TERT: variants seen among roughly 807,000 people sequenced by gnomAD.
TERT encodes telomerase catalytic subunit.
In TERT, 42 loss-of-function variants were observed where a neutral mutation model predicts 104.0. That is an observed-to-expected ratio of 0.40 (90% CI 0.32 to 0.52). The LOEUF is 0.52. Ranked by LOEUF, TERT falls within the 20% of genes least tolerant of loss-of-function variation. The pLI, the probability that TERT is intolerant of heterozygous loss-of-function variation, is 0.43. For synonymous variants in TERT, 781 were observed against 725.6 expected, an observed-to-expected ratio of 1.08 and a Z score of -1.23; for missense variants, 1,101 against 1,610.3, an observed-to-expected ratio of 0.68 and a Z score of 5.41.
rs1561212622 is a variant in TERT, at chr5:1,292,120, T to C, written c.1573+1193A>G. 6.6e-6 allele frequency among the ~76,000 whole-genome samples: 1 copy of C among 151,370 alleles called. No individual in the cohort carries two copies. The highest frequency in any genetic ancestry group is 1.9e-4 in the East Asian group (1 of 5,178). On this transcript the variant is annotated intron_variant, in intron 2 of 15. Coordinates refer to ENST00000310581, the MANE Select transcript of TERT (RefSeq NM_198253.3). This position sits in a 1 kb window ranked among gnomAD's most constrained non-coding sequence, Gnocchi z 5.5. ...TCATGTTATATGACTTTTGCCACCA[T>C]AAAAAGAAAAAAAGAAAAAAAAGAG... is the stretch of plus-strand genomic sequence containing the variant.
chr5:1,285,012 C>T (rs1408303239), intron 2 of TERT, among the ~76,000 whole-genome samples: 3 of 138,254 alleles, frequency 2.2e-5, no homozygotes, highest in South Asian at 5.4e-4. Flanking sequence ...GACCTCACCC[C>T]GGACCTGCAT....
In TERT at chr5:1,292,169, T is replaced by C. The variant is rs1423548380; in HGVS notation, c.1573+1144A>G. Among the ~76,000 whole-genome samples, 1 of 152,122 alleles carries C rather than the reference T, an allele frequency of 6.6e-6. No homozygotes were observed. Among genetic ancestry groups the C allele is most frequent in the Non-Finnish European group, 1.5e-5 (1 of 68,016 alleles). ...AGCCCCAAGAAGGTCACCCTCCTTG[T>C]CTGCATGGCCGGAAGTCTTACATGT... On this transcript the variant is annotated intron_variant, in intron 2 of 15. Coordinates refer to ENST00000310581, the MANE Select transcript of TERT (RefSeq NM_198253.3). The surrounding 1 kb of genome is among the most constrained non-coding windows in gnomAD (Gnocchi z 5.5).
Position 1,282,604 on chromosome 5 carries a change from C to T in TERT, c.1594G>A (p.Ala532Thr), listed in dbSNP as rs776459827. 10 of 1,613,948 alleles carry T rather than the reference C, an allele frequency of 6.2e-6. No homozygotes were observed. Among genetic ancestry groups the T allele is most frequent in the South Asian group, 1.1e-5 (1 of 91,094 alleles). ...ATCTCCTCACGCAGACGGTGCTCTGCGGCCGGAACACAGCCAACCCCTTAA... is the reference window on the plus strand; with the variant it reads ...ATCTCCTCACGCAGACGGTGCTCTGTGGCCGGAACACAGCCAACCCCTTAA... ...RSPGVGCVPAAEHRLREEILA... is the reference protein window; with the variant it reads ...RSPGVGCVPATEHRLREEILA... The change falls in exon 3 of 16, where the codon GCA becomes ACA. Residue 532 changes from alanine to threonine, a missense_variant. Ala to Thr is a moderately conservative substitution (Grantham distance 58). Transcript: ENST00000310581.
rs1034783666 is a variant in TERT, at chr5:1,282,364, A to G, written c.1769+65T>C. 99 of 1,556,114 alleles carry G rather than the reference A, an allele frequency of 6.4e-5. No individual in the cohort carries two copies. In the Middle Eastern group the frequency reaches 7.1e-4, roughly 11 times the overall value. On this transcript the variant is annotated intron_variant, in intron 3 of 15. Transcript: ENST00000310581. ...AGCACAGGCAAGTGGAGACAGGCGC[A>G]TGCTGAGGCCGGGCTGGTGTTCCAG...
Position 1,292,120 on chromosome 5 carries a change from T to TA in TERT, c.1573+1192dup, listed in dbSNP as rs1561212625. On this transcript the variant is annotated intron_variant, in intron 2 of 15. Coordinates refer to ENST00000310581, the MANE Select transcript of TERT (RefSeq NM_198253.3). The surrounding 1 kb of genome is among the most constrained non-coding windows in gnomAD (Gnocchi z 5.5). ...TCATGTTATATGACTTTTGCCACCA[T>TA]AAAAAGAAAAAAAGAAAAAAAAGAG... 1.3e-5 allele frequency among the ~76,000 whole-genome samples: 2 copies of TA among 151,370 alleles called. No individual in the cohort carries two copies. The highest frequency in any genetic ancestry group is 4.9e-5 in the African/African-American group (2 of 41,138).
Position 1,294,144 on chromosome 5 carries a change from G to A in TERT, c.742C>T (p.Arg248Trp). ...PRRGAAPEPE[R>W]TPVGQGSWAH... is the part of the protein sequence containing the mutation. Reference sequence around the variant, plus strand: ...CAGGACCCCTGCCCAACGGGCGTCCGCTCCGGCTCAGGGGCAGCGCCACGC... The same window carrying A: ...CAGGACCCCTGCCCAACGGGCGTCCACTCCGGCTCAGGGGCAGCGCCACGC... Residue 248 changes from arginine to tryptophan, a missense_variant, in exon 2 of 16, where the codon CGG (arginine) becomes TGG (tryptophan). By Grantham distance (101) the Arg-to-Trp change is moderately radical. Transcript: ENST00000310581. The A allele has an allele frequency of 6.3e-7, 1 of 1,581,010 alleles. No individual in the cohort carries two copies. The highest frequency in any genetic ancestry group is 8.6e-7 in the Non-Finnish European group (1 of 1,166,340).
chr5:1,275,445 C>T (rs925862038), intron 6 of TERT, among the ~76,000 whole-genome samples: 4 of 151,706 alleles, frequency 2.6e-5, no homozygotes, highest in South Asian at 2.1e-4. Context: ...ATTCCAAGGA[C>T]GGAGCGTAGC....
intron 3 of TERT, 137 bp from the exon 4 acceptor site, chr5:1,280,475 G>C: frequency 1.0e-6 from 1 of 970,112 alleles, no homozygotes; most frequent in Admixed American, 2.0e-5. Flanking sequence ...GGCCATGCCC[G>C]GGGCCACGTC....
chr5:1,260,547 GC>G lies in TERT; in HGVS notation c.2896del (p.Ala966LeufsTer15). ...ASLTFNRGFK[A>X]GRNMRRKLFG... ...GAGTTTGCGACGCATGTTCCTCCCAGCCTTGAAGCCGCGGTTGAAGGTGAGA... is the reference window on the plus strand; with the variant it reads ...GAGTTTGCGACGCATGTTCCTCCCAGCTTGAAGCCGCGGTTGAAGGTGAGA... On this transcript the variant is annotated frameshift_variant, in exon 12 of 16. Coordinates refer to ENST00000310581, the MANE Select transcript of TERT (RefSeq NM_198253.3). LOFTEE classifies it high-confidence loss of function. 1 of 1,614,194 alleles carries G rather than the reference GC, an allele frequency of 6.2e-7. No homozygotes were observed. Among genetic ancestry groups the G allele is most frequent in the Non-Finnish European group, 8.5e-7 (1 of 1,180,020 alleles).
intron 14 of TERT, among the ~76,000 whole-genome samples, chr5:1,254,832 G>A (rs993616066): frequency 1.2e-4 from 19 of 152,308 alleles, no homozygotes; most frequent in South Asian, 2.1e-4. Context: ...AGAGGACGGC[G>A]CGGGGCTCTG....
At chr5:1,290,610 C>A (rs1391701092) in intron 2 of TERT, among the ~76,000 whole-genome samples, 5 of 73,802 alleles carry the variant, frequency 6.8e-5, no homozygotes, top group South Asian at 3.1e-4. Flanking sequence ...CCTCACTCAC[C>A]CTGAACGTGA....
Position 1,255,553 on chromosome 5 carries a change from C to G in TERT, c.3033-142G>C. 9.9e-7 allele frequency: 1 copy of G among 1,006,388 alleles called. No homozygotes were observed. The highest frequency in any genetic ancestry group is 1.9e-5 in the Admixed American group (1 of 51,764). 62.3% of individuals were successfully genotyped at this position (1,006,388 alleles called of 1,614,324 possible). ...CCTCATGGGCACAGGTGCACACACACGGATGCATGCATGCATGTCTGTGTG... is the reference window on the plus strand; with the variant it reads ...CCTCATGGGCACAGGTGCACACACAGGGATGCATGCATGCATGTCTGTGTG... On this transcript the variant is annotated intron_variant, in intron 13 of 15. Transcript: ENST00000310581. The surrounding 1 kb of genome is among the most constrained non-coding windows in gnomAD (Gnocchi z 6.9).
At chr5:1,272,410 C>T (rs1050177680) in intron 6 of TERT, 130 bp from the exon 7 acceptor site, 8 of 876,076 alleles carry the variant, frequency 9.1e-6, no homozygotes, top group African/African-American at 1.7e-5. Flanking sequence ...CCAGAGAGCG[C>T]CTGGGAAGCT....
chr5:1,270,848 C>G lies in TERT; in HGVS notation c.2468+271G>C, dbSNP rs552162436. ...TGACCCAGACACACCCCCCGCCCCT[C>G]GTCCTCCACGCAGGAGCAACTCCAC... On this transcript the variant is annotated intron_variant, in intron 8 of 15. Transcript: ENST00000310581. The surrounding 1 kb of genome is among the most constrained non-coding windows in gnomAD (Gnocchi z 8.3). 6.6e-6 allele frequency among the ~76,000 whole-genome samples: 1 copy of G among 152,226 alleles called. No homozygotes were observed. The highest frequency in any genetic ancestry group is 6.5e-5 in the Admixed American group (1 of 15,292).
intron 2 of TERT, among the ~76,000 whole-genome samples, chr5:1,284,769 C>T (rs1750359501): frequency 6.7e-6 from 1 of 148,232 alleles, no homozygotes; most frequent in East Asian, 2.0e-4. Flanking sequence ...GGACCTGCAG[C>T]ATCCGGACAC....
intron 8 of TERT, 101 bp downstream of exon 8, chr5:1,271,018 G>T: frequency 1.0e-6 from 1 of 953,902 alleles, no homozygotes. Context: ...GGTGGCCCCG[G>T]GCAGAAGGGC....
intron 6 of TERT, among the ~76,000 whole-genome samples, chr5:1,277,920 G>A (rs1055883653): frequency 1.1e-4 from 17 of 151,250 alleles, no homozygotes; most frequent in Admixed American, 9.2e-4. Context: ...ATGACCACTG[G>A]GTGGGAACCC....
At chr5:1,284,683 TG>T (rs1750352299) in intron 2 of TERT, among the ~76,000 whole-genome samples, 1 of 149,136 alleles carries the variant, frequency 6.7e-6, no homozygotes, top group South Asian at 2.1e-4. Context: ...CAGCAGGGCC[TG>T]GCGACCTCAC....
In TERT at chr5:1,288,658, G is replaced by A. The variant is rs1037110112; in HGVS notation, c.1573+4655C>T. ...AAACAGGACAAGTGAGGGGGCTGGG[G>A]TGACTTGCTTTCCTTCAGGGCACAG... On this transcript the variant is annotated intron_variant, in intron 2 of 15. Transcript: ENST00000310581. This position sits in a 1 kb window ranked among gnomAD's most constrained non-coding sequence, Gnocchi z 5.3. Among the ~76,000 whole-genome samples the A allele has an allele frequency of 6.6e-6, 1 of 152,162 alleles. No individual in the cohort carries two copies. The highest frequency in any genetic ancestry group is 1.5e-5 in the Non-Finnish European group (1 of 68,034).
Sources: allele counts gnomAD v4.1 joint callset (sites outside exome capture counted in the v4.1 genomes callset), GRCh38; gene constraint gnomAD v4.1.1; non-coding constraint Gnocchi (gnomAD v3.1); transcripts MANE v1.5; gene names NCBI Gene and HGNC (gene_info 2026-07-23, HGNC 2026-07-21).